Variants in SNX29 observed in about 807,000 individuals in gnomAD.
SNX29 encodes the protein sorting nexin 29.
SNX29 carries 78 observed loss-of-function variants against 102.1 expected under a neutral mutation model. The observed-to-expected ratio is 0.76, with a 90% CI of 0.64 to 0.92. The LOEUF (loss-of-function observed/expected upper bound fraction) is 0.92, where lower values mean the gene tolerates loss of function less well. SNX29 is among the 40% of genes least tolerant of loss of function. The probability of loss-of-function intolerance (pLI) is 0.00; values close to 1 mark genes in which losing one functional copy is unlikely to be tolerated. For synonymous variants in SNX29, 580 were observed against 414.5 expected (o/e 1.40, Z -4.85); for missense variants, 1,280 against 1,061.7 (o/e 1.21, Z -2.86).
intron 15 of SNX29, among the ~76,000 whole-genome samples, chr16:12,286,744 G>T (rs1198723605): frequency 1.3e-5 from 2 of 152,156 alleles, no homozygotes; most frequent in Non-Finnish European, 2.9e-5. Context: ...GGCTGTAGCT[G>T]TTAGTACCTC....
chr16:12,478,119 G>A (rs2087741672), intron 19 of SNX29, among the ~76,000 whole-genome samples: 1 of 152,222 alleles, frequency 6.6e-6, no homozygotes, highest in African/African-American at 2.4e-5. Context: ...GGGCCAGAGA[G>A]TAAATATGTT....
At chr16:12,147,910 A>C (rs997801395) in intron 13 of SNX29, among the ~76,000 whole-genome samples, 1 of 152,026 alleles carries the variant, frequency 6.6e-6, no homozygotes, top group African/African-American at 2.4e-5. Context: ...CTGGGAGGGG[A>C]ACAACAGGAA....
At chr16:12,112,859 C>A (rs1223564968) in intron 11 of SNX29, among the ~76,000 whole-genome samples, 3 of 152,120 alleles carry the variant, frequency 2.0e-5, no homozygotes, top group Admixed American at 6.5e-5. Flanking sequence ...CTCTTCCTGC[C>A]GGAGGAGGAT....
At chr16:12,127,376 G>A (rs1057287244) in intron 12 of SNX29, among the ~76,000 whole-genome samples, 11 of 151,328 alleles carry the variant, frequency 7.3e-5, no homozygotes, top group Non-Finnish European at 1.3e-4. Flanking sequence ...CATCACCCCC[G>A]AAAGAAGTCC....
chr16:12,055,116 G>A (rs72784632), intron 8 of SNX29, among the ~76,000 whole-genome samples: 59,308 of 151,822 alleles, frequency 0.39, 12,252 homozygotes, highest in Middle Eastern at 0.5. Flanking sequence ...TGAGGCGGAC[G>A]TTCTGTGTGT....
chr16:12,314,479 A>T (rs549349254), intron 15 of SNX29, among the ~76,000 whole-genome samples: 118 of 152,318 alleles, frequency 7.7e-4, no homozygotes, highest in Admixed American at 1.4e-3. Flanking sequence ...CGAGTTCCCT[A>T]GCCTTTCTCT....
intron 15 of SNX29, among the ~76,000 whole-genome samples, chr16:12,311,831 G>A (rs2080562740): frequency 6.6e-6 from 1 of 152,240 alleles, no homozygotes; most frequent in Non-Finnish European, 1.5e-5. Flanking sequence ...GTTTTAGTGA[G>A]AGTGTTGGTT....
At chr16:12,155,419 A>G (rs986821456) in intron 13 of SNX29, among the ~76,000 whole-genome samples, 1 of 152,130 alleles carries the variant, frequency 6.6e-6, no homozygotes, top group Admixed American at 6.6e-5. Flanking sequence ...GAGCACGGGG[A>G]TGAGGTGAGC....
chr16:12,296,218 C>T (rs1171460881), intron 15 of SNX29, among the ~76,000 whole-genome samples: 2 of 152,150 alleles, frequency 1.3e-5, no homozygotes, highest in Non-Finnish European at 2.9e-5. Context: ...GACTGCCTTC[C>T]TGGTGTTAGA....
intron 6 of SNX29, among the ~76,000 whole-genome samples, chr16:12,046,844 C>T (rs995189022): frequency 1.3e-5 from 2 of 152,196 alleles, no homozygotes; most frequent in Non-Finnish European, 1.5e-5. Context: ...GTCTCGAAAT[C>T]CTGGGCTCAA....
intron 18 of SNX29, among the ~76,000 whole-genome samples, chr16:12,458,243 G>A (rs1248843889): frequency 6.6e-6 from 1 of 152,146 alleles, no homozygotes; most frequent in Non-Finnish European, 1.5e-5. Context: ...GCATTTTGTA[G>A]CATATCTGCC....
intron 1 of SNX29, among the ~76,000 whole-genome samples, chr16:11,991,646 G>A (rs1480104392): frequency 1.3e-5 from 2 of 151,216 alleles, no homozygotes; most frequent in Non-Finnish European, 2.9e-5. Flanking sequence ...AGGTTCAAGT[G>A]ATTCTCCTGC....
chr16:12,456,814 G>A (rs2086560798), intron 18 of SNX29, among the ~76,000 whole-genome samples: 1 of 152,166 alleles, frequency 6.6e-6, no homozygotes, highest in African/African-American at 2.4e-5. Flanking sequence ...AGGTGGAAAG[G>A]TTCTGAGCTG....
At chr16:12,538,486 T>A (rs1009810701) in intron 20 of SNX29, among the ~76,000 whole-genome samples, 1 of 152,186 alleles carries the variant, frequency 6.6e-6, no homozygotes, top group African/African-American at 2.4e-5. Flanking sequence ...CTGTGTAACA[T>A]ACATCTATGA....
intron 16 of SNX29, among the ~76,000 whole-genome samples, chr16:12,388,232 C>T (rs904558170): frequency 6.6e-6 from 1 of 152,168 alleles, no homozygotes; most frequent in African/African-American, 2.4e-5. Flanking sequence ...TGGGATTCAG[C>T]CAAAGTTGGC....
chr16:12,014,781 G>T (rs1596595829), intron 3 of SNX29, among the ~76,000 whole-genome samples: 1 of 149,808 alleles, frequency 6.7e-6, no homozygotes, highest in Non-Finnish European at 1.5e-5. Context: ...CAGAAATTAT[G>T]ATTTACCATT....
rs1598131474 is a variant in SNX29, at chr16:12,569,281, C to G, written c.*652C>G. 4.4e-6 allele frequency: 1 copy of G among 228,898 alleles called. No individual in the cohort carries two copies. The highest frequency in any genetic ancestry group is 8.7e-6 in the Non-Finnish European group (1 of 115,508). 14.2% of individuals were successfully genotyped at this position (228,898 alleles called of 1,614,324 possible). A position where few individuals can be genotyped will look rare whatever the true frequency, so the allele number is the denominator to read the frequency against. On this transcript the variant is annotated 3_prime_UTR_variant, in exon 21 of 21. Coordinates refer to ENST00000566228, the MANE Select transcript of SNX29 (RefSeq NM_032167.5). Reference sequence around the variant, plus strand: ...GTGCAACTTGAGTTCAGAGAACTTCCCCTACCTCCCCCATGGCTGGCTTCA... The same window carrying G: ...GTGCAACTTGAGTTCAGAGAACTTCGCCTACCTCCCCCATGGCTGGCTTCA...
rs563968833 is a variant in SNX29, at chr16:12,352,613, G to A, written c.1783-3550G>A. Among the ~76,000 whole-genome samples the A allele has an allele frequency of 1.3e-4, 20 of 152,308 alleles. 1 individual carries two copies. The South Asian group carries it at 3.1e-3, about 24-fold the overall frequency. On this transcript the variant is annotated intron_variant, in intron 15 of 20. Coordinates refer to ENST00000566228, the MANE Select transcript of SNX29 (RefSeq NM_032167.5). ...GCCCAAAAGATGAAACCCAGATGAT[G>A]ACTCATAGTCTTTGCACCTCGTTAA...
At chr16:12,394,042 C>A (rs997369161) in intron 16 of SNX29, among the ~76,000 whole-genome samples, 1 of 152,198 alleles carries the variant, frequency 6.6e-6, no homozygotes, top group Admixed American at 6.5e-5. Flanking sequence ...GACCTGTGTT[C>A]CCAGAGATGG....
Sources: gnomAD v4.1 joint callset for allele counts (sites outside exome capture counted in the v4.1 genomes callset) on GRCh38, gnomAD v4.1.1 for gene constraint, MANE v1.5 for transcripts, NCBI Gene and HGNC (gene_info 2026-07-23, HGNC 2026-07-21) for gene names.